Variants in PRR20G observed in about 807,000 individuals in gnomAD.
PRR20G encodes proline rich 20G, also known as proline-rich protein 20G.
chr3:127,284,958 GC>G (rs1285950928), intron 2 of PRR20G, among the ~76,000 whole-genome samples: 7 of 152,188 alleles, frequency 4.6e-5, no homozygotes, highest in African/African-American at 1.4e-4. Context: ...CACACTGCCT[GC>G]CTTCACTGTG....
At position 127,287,302 on chromosome 3, in the gene PRR20G, G is replaced by A. The variant is rs2080392045; in HGVS notation, c.52+12C>T. On this transcript the variant is annotated intron_variant, in intron 2 of 2. Transcript: ENST00000465482. ...GAAAAAATTAAAAAGAGTGGTAGGC[G>A]TTTGATGGTACCTTGATTTGGGGCC... Among the ~76,000 whole-genome samples the A allele has an allele frequency of 6.6e-6, 1 of 152,180 alleles. No homozygotes were observed. The highest frequency in any genetic ancestry group is 2.4e-5 in the African/African-American group (1 of 41,436).
chr3:127,285,874 T>G (rs1282582216), intron 2 of PRR20G, among the ~76,000 whole-genome samples: 1 of 152,174 alleles, frequency 6.6e-6, no homozygotes, highest in Non-Finnish European at 1.5e-5. Context: ...AAAACATCTA[T>G]AATTAATATC....
In PRR20G at chr3:127,288,021, G is replaced by C. The variant is rs569318297; in HGVS notation, c.-150C>G. ...TAGGAGGGAGCACCCAGCAGTCCTA[G>C]TTCGGAGCCCGGCAGAAAGCTGACT... is the stretch of plus-strand genomic sequence containing the variant. On this transcript the variant is annotated 5_prime_UTR_variant, in exon 1 of 3. Coordinates refer to ENST00000465482, the MANE Select transcript of PRR20G (RefSeq NM_001362810.2). Among the ~76,000 whole-genome samples the C allele has an allele frequency of 6.6e-6, 1 of 152,148 alleles. No individual in the cohort carries two copies. Among genetic ancestry groups the C allele is most frequent in the African/African-American group, 2.4e-5 (1 of 41,436 alleles).
chr3:127,288,015 G>A lies in PRR20G; in HGVS notation c.-144C>T, dbSNP rs551204029. Among the ~76,000 whole-genome samples the A allele has an allele frequency of 6.6e-6, 1 of 152,288 alleles. No homozygotes were observed. The highest frequency in any genetic ancestry group is 1.9e-4 in the East Asian group (1 of 5,154). ...GGCAGGTAGGAGGGAGCACCCAGCA[G>A]TCCTAGTTCGGAGCCCGGCAGAAAG... is the stretch of plus-strand genomic sequence containing the variant. On this transcript the variant is annotated 5_prime_UTR_variant, in exon 1 of 3. Transcript: ENST00000465482.
At chr3:127,285,051 TC>T (rs1160585508) in intron 2 of PRR20G, among the ~76,000 whole-genome samples, 1 of 152,134 alleles carries the variant, frequency 6.6e-6, no homozygotes, top group African/African-American at 2.4e-5. Flanking sequence ...GTGAAAGGTA[TC>T]ATAAGGGAGG....
chr3:127,284,369 A>G lies in PRR20G; in HGVS notation c.324T>C (p.His108=), dbSNP rs571598910. The part of the protein sequence containing the change: ...PGMYLVHLND[H]GELGYQGQLE... ...GTTGCCCCTGGTAGCCTAGCTCTCC[A>G]TGGTCATTCAGATGGACTAGGTACA... Residue 108 remains histidine, a synonymous_variant, in exon 3 of 3, where the codon CAT becomes CAC. Coordinates refer to ENST00000465482, the MANE Select transcript of PRR20G (RefSeq NM_001362810.2). 1 of 152,658 alleles carries G rather than the reference A, an allele frequency of 6.6e-6. No individual in the cohort carries two copies. Among genetic ancestry groups the G allele is most frequent in the South Asian group, 2.1e-4 (1 of 4,834 alleles). 9.5% of individuals were successfully genotyped at this position (152,658 alleles called of 1,614,324 possible).
At chr3:127,287,683 G>A (rs559008340) in intron 1 of PRR20G, among the ~76,000 whole-genome samples, 196 bp downstream of exon 1, 1 of 152,302 alleles carries the variant, frequency 6.6e-6, no homozygotes, top group Admixed American at 6.5e-5. Context: ...GCTGGTACCG[G>A]GGAGACTTAG....
chr3:127,286,946 G>T (rs115960867), intron 2 of PRR20G, among the ~76,000 whole-genome samples: 2 of 152,260 alleles, frequency 1.3e-5, no homozygotes, highest in Non-Finnish European at 2.9e-5. Flanking sequence ...GCTCCTGGGC[G>T]GTGGGGGAGG....
rs1399310973 is a variant in PRR20G at position 127,286,385 on chromosome 3, GACAAGC to G, written c.52+923_52+928del. Among the ~76,000 whole-genome samples, 443 of 152,348 alleles carry G rather than the reference GACAAGC, an allele frequency of 2.9e-3. 1 individual carries two copies. The highest frequency in any genetic ancestry group is 9.9e-3 in the African/African-American group (410 of 41,582). ...AGGAATCAGAATGAAGATGTTTGCA[GACAAGC>G]AAGATCTTAAATAATTTCCCTTCAA... is the stretch of plus-strand genomic sequence containing the variant. On this transcript the variant is annotated intron_variant, in intron 2 of 2. Coordinates refer to ENST00000465482, the MANE Select transcript of PRR20G (RefSeq NM_001362810.2).
At position 127,284,573 on chromosome 3, in the gene PRR20G, G is replaced by T; in HGVS notation, c.120C>A (p.Val40=). Residue 40 remains valine (V), a synonymous_variant, in exon 3 of 3, where the codon GTC becomes GTA. Coordinates refer to ENST00000465482, the MANE Select transcript of PRR20G (RefSeq NM_001362810.2). Reference sequence around the variant, plus strand: ...CATAAGCAGTGGGTTTTGCCGGTTGGACTGGGTCTACAGGGTCTTCACGGT... The same window carrying T: ...CATAAGCAGTGGGTTTTGCCGGTTGTACTGGGTCTACAGGGTCTTCACGGT... The part of the protein sequence containing the change: ...GVDREDPVDP[V]QPAKPTAYVK... 2 of 157,164 alleles carry T rather than the reference G, an allele frequency of 1.3e-5. No homozygotes were observed. Among genetic ancestry groups the T allele is most frequent in the South Asian group, 3.5e-4 (2 of 5,746 alleles). The allele number at this position is 157,164 out of a possible 1,614,324, so 9.7% of individuals were successfully genotyped here.
At chr3:127,285,305 G>T (rs2080381852) in intron 2 of PRR20G, among the ~76,000 whole-genome samples, 1 of 152,206 alleles carries the variant, frequency 6.6e-6, no homozygotes. Context: ...GGATATCAAG[G>T]ATGGGTGGGA....
Position 127,284,765 on chromosome 3 carries a change from G to C in PRR20G, c.53-125C>G, listed in dbSNP as rs941515626. Reference sequence around the variant, plus strand: ...CCCGGGCAAACAGAGTGAGGGTCGGGAGATGCCTGCAGGGTGAGCCCTCAG... The same window carrying C: ...CCCGGGCAAACAGAGTGAGGGTCGGCAGATGCCTGCAGGGTGAGCCCTCAG... On this transcript the variant is annotated intron_variant, in intron 2 of 2. Coordinates refer to ENST00000465482, the MANE Select transcript of PRR20G (RefSeq NM_001362810.2). 2.6e-5 allele frequency: 4 copies of C among 152,634 alleles called. 1 individual carries two copies. The allele number at this position is 152,634 out of a possible 1,614,324, so 9.5% of individuals were successfully genotyped here.
At chr3:127,286,394 G>A (rs1436782830) in intron 2 of PRR20G, among the ~76,000 whole-genome samples, 1 of 152,124 alleles carries the variant, frequency 6.6e-6, no homozygotes, top group Non-Finnish European at 1.5e-5. Flanking sequence ...AGACAAGCAA[G>A]ATCTTAAATA....
At chr3:127,285,175 C>A (rs2080381296) in intron 2 of PRR20G, among the ~76,000 whole-genome samples, 1 of 152,170 alleles carries the variant, frequency 6.6e-6, no homozygotes, top group South Asian at 2.1e-4. Context: ...TGGGTCCTTA[C>A]AAGAACTGAG....
intron 1 of PRR20G, among the ~76,000 whole-genome samples, 146 bp from the exon 2 acceptor site, chr3:127,287,518 G>A (rs1225024639): frequency 2.6e-5 from 4 of 152,162 alleles, no homozygotes; most frequent in Non-Finnish European, 2.9e-5. Context: ...CATTTGCACT[G>A]AGCCCGCGGG....
At chr3:127,285,800 A>G (rs2080384467) in intron 2 of PRR20G, among the ~76,000 whole-genome samples, 1 of 152,240 alleles carries the variant, frequency 6.6e-6, no homozygotes, top group Non-Finnish European at 1.5e-5. Context: ...CATAAGAGAC[A>G]GAACAATAAC....
intron 2 of PRR20G, 73 bp from the exon 3 acceptor site, chr3:127,284,713 G>A (rs1209268268): frequency 6.5e-6 from 1 of 153,186 alleles, no homozygotes; most frequent in East Asian, 1.9e-4. Context: ...GAGACCAGGA[G>A]AGGGGTTCAG....
intron 2 of PRR20G, among the ~76,000 whole-genome samples, chr3:127,286,140 C>T (rs1292853379): frequency 6.6e-6 from 1 of 152,000 alleles, no homozygotes; most frequent in African/African-American, 2.4e-5. Context: ...CCATAAAATT[C>T]CAGAGTGCTG....
chr3:127,287,808 C>T (rs1329908722), intron 1 of PRR20G, among the ~76,000 whole-genome samples, 71 bp downstream of exon 1: 3 of 152,148 alleles, frequency 2.0e-5, no homozygotes, highest in African/African-American at 7.2e-5. Context: ...CCTTCTAGAG[C>T]ACTGAGGATT....
Sources: gnomAD v4.1 joint callset for allele counts (sites outside exome capture counted in the v4.1 genomes callset) on GRCh38, gnomAD v4.1.1 for gene constraint, MANE v1.5 for transcripts, NCBI Gene and HGNC (gene_info 2026-07-23, HGNC 2026-07-21) for gene names.